MYOCD: variants seen among roughly 807,000 people sequenced by gnomAD.
MYOCD encodes the protein myocardin.
A neutral mutation model predicts 96.1 loss-of-function variants in MYOCD; 32 were observed. The ratio of observed to expected loss-of-function variants is 0.33; its 90% CI spans 0.25 to 0.45. The LOEUF (loss-of-function observed/expected upper bound fraction) is 0.45, where lower values mean the gene tolerates loss of function less well. Among genes scored for constraint, MYOCD ranks in the 20% least tolerant of loss-of-function variants. MYOCD has a pLI of 1.00. For missense variants in MYOCD, 1,133 were observed against 1,200.6 expected (o/e 0.94, Z 0.83); for synonymous variants, 469 against 469.0 (o/e 1.00, Z 0.00).
chr17:12,673,936 A>G (rs1394851445), intron 1 of MYOCD, among the ~76,000 whole-genome samples: 1 of 152,176 alleles, frequency 6.6e-6, no homozygotes, highest in Admixed American at 6.5e-5. Flanking sequence ...TGAAAAGGAA[A>G]ATGAGTAACA....
At chr17:12,694,433 G>A (rs1373206097) in intron 1 of MYOCD, among the ~76,000 whole-genome samples, 1 of 152,178 alleles carries the variant, frequency 6.6e-6, no homozygotes. Flanking sequence ...TCAATCTCTA[G>A]TATCAAAGCT....
At chr17:12,738,305 C>G (rs556394866) in intron 6 of MYOCD, among the ~76,000 whole-genome samples, 2 of 152,250 alleles carry the variant, frequency 1.3e-5, no homozygotes, top group South Asian at 4.1e-4. Flanking sequence ...TCCTCACCCC[C>G]CATGGAGAGA....
chr17:12,720,110 G>A lies in MYOCD; in HGVS notation c.253+2689G>A, dbSNP rs1741347644. Among the ~76,000 whole-genome samples the A allele has an allele frequency of 2.6e-5, 4 of 151,962 alleles. No homozygotes were observed. In the South Asian group the frequency reaches 8.3e-4, roughly 32 times the overall value. The stretch of plus-strand genomic sequence containing the variant: ...CACCACGTTTACCAGTGTCATGGCA[G>A]CCTCCAGGTACCACATGTACAGGGA... On this transcript the variant is annotated intron_variant, in intron 4 of 13. Coordinates refer to ENST00000425538, the MANE Select transcript of MYOCD (RefSeq NM_001146312.3).
chr17:12,712,970 T>A (rs1291361543), intron 2 of MYOCD, among the ~76,000 whole-genome samples: 1 of 151,854 alleles, frequency 6.6e-6, no homozygotes, highest in East Asian at 1.9e-4. Flanking sequence ...TCATGGGAGG[T>A]GGCTAAAACC....
At chr17:12,680,814 T>G (rs1910411836) in intron 1 of MYOCD, among the ~76,000 whole-genome samples, 1 of 152,218 alleles carries the variant, frequency 6.6e-6, no homozygotes, top group Admixed American at 6.5e-5. Context: ...TCCCCGCGGC[T>G]GAACAGCCGT....
intron 5 of MYOCD, 93 bp downstream of exon 5, chr17:12,723,101 G>T (rs1253277053): frequency 2.4e-6 from 3 of 1,233,988 alleles, no homozygotes; most frequent in Middle Eastern, 2.5e-4. Context: ...GGGGATGAGG[G>T]CCTCTCACCA....
chr17:12,749,354 C>G (rs1327658957), intron 9 of MYOCD, among the ~76,000 whole-genome samples: 1 of 151,740 alleles, frequency 6.6e-6, no homozygotes, highest in Non-Finnish European at 1.5e-5. Context: ...ATGGTGAAAC[C>G]CCATCTCTAC....
chr17:12,718,173 G>A (rs1401782800), intron 4 of MYOCD, among the ~76,000 whole-genome samples: 2 of 152,178 alleles, frequency 1.3e-5, no homozygotes, highest in East Asian at 1.9e-4. Flanking sequence ...TGGGTTCAAC[G>A]ATGAATAAGA....
chr17:12,714,027 C>T (rs2031560455), intron 2 of MYOCD, among the ~76,000 whole-genome samples: 1 of 151,986 alleles, frequency 6.6e-6, no homozygotes, highest in East Asian at 1.9e-4. Context: ...AGGGAAGTCT[C>T]TTAATCTTTG....
intron 1 of MYOCD, among the ~76,000 whole-genome samples, chr17:12,682,972 A>T (rs2052002): frequency 0.14 from 17,321 of 123,220 alleles, 1,793 homozygotes; most frequent in African/African-American, 0.31. Flanking sequence ...AGGAACACTT[A>T]TTATAAACAT....
chr17:12,737,401 C>T (rs961005730), intron 6 of MYOCD, among the ~76,000 whole-genome samples: 4 of 152,178 alleles, frequency 2.6e-5, no homozygotes, highest in Non-Finnish European at 2.9e-5. Context: ...TAGGTATCAT[C>T]GAGGTTGATT....
chr17:12,710,593 A>C, intron 2 of MYOCD: 1 of 710,904 alleles, frequency 1.4e-6, no homozygotes, highest in Non-Finnish European at 1.7e-6. Context: ...GACCGGGGCA[A>C]TTCCCGCACC....
At chr17:12,739,881 G>A (rs547314590) in intron 7 of MYOCD, among the ~76,000 whole-genome samples, 10 of 152,018 alleles carry the variant, frequency 6.6e-5, no homozygotes, top group Middle Eastern at 3.4e-3. Context: ...TAGTTTTGGG[G>A]GTGCAGGTGG....
intron 5 of MYOCD, among the ~76,000 whole-genome samples, chr17:12,729,306 AG>A (rs1344745583): frequency 1.3e-5 from 2 of 152,150 alleles, no homozygotes; most frequent in African/African-American, 4.8e-5. Context: ...CAAGAGAATC[AG>A]GGAGCTGGGA....
intron 5 of MYOCD, among the ~76,000 whole-genome samples, chr17:12,732,015 C>T (rs903819754): frequency 2.0e-5 from 3 of 152,172 alleles, no homozygotes; most frequent in Non-Finnish European, 1.5e-5. Flanking sequence ...ATCTTGTGGC[C>T]TGGACAGCGA....
At chr17:12,729,319 T>C (rs1010593516) in intron 5 of MYOCD, among the ~76,000 whole-genome samples, 2 of 150,802 alleles carry the variant, frequency 1.3e-5, no homozygotes, top group Non-Finnish European at 3.0e-5. Context: ...GAGCTGGGAG[T>C]GTTGGAGCGT....
chr17:12,720,089 A>C (rs913792152), intron 4 of MYOCD, among the ~76,000 whole-genome samples: 1 of 151,860 alleles, frequency 6.6e-6, no homozygotes, highest in African/African-American at 2.4e-5. Flanking sequence ...CCTTGTCACC[A>C]CGTTTACCAG....
chr17:12,667,037 G>T (rs1250908248), intron 1 of MYOCD, among the ~76,000 whole-genome samples: 1 of 152,094 alleles, frequency 6.6e-6, no homozygotes, highest in African/African-American at 2.4e-5. Flanking sequence ...GTATAATGTT[G>T]GTTTTAGAAA....
chr17:12,742,881 CT>C (rs1597799448), intron 7 of MYOCD, among the ~76,000 whole-genome samples: 1 of 151,970 alleles, frequency 6.6e-6, no homozygotes, highest in East Asian at 1.9e-4. Flanking sequence ...CTGAAAATTA[CT>C]TTTTTTTAAC....
Sources: allele counts gnomAD v4.1 joint callset (sites outside exome capture counted in the v4.1 genomes callset), GRCh38; gene constraint gnomAD v4.1.1; transcripts MANE v1.5; gene names NCBI Gene and HGNC (gene_info 2026-07-23, HGNC 2026-07-21).